Variants in PLK4 observed in about 807,000 individuals in gnomAD.
PLK4 encodes the protein polo like kinase 4.
Under a neutral mutation model 103.0 loss-of-function variants are expected in PLK4, and 51 were observed. The observed-to-expected ratio is 0.50, with a 90% CI of 0.40 to 0.63. PLK4 has a LOEUF of 0.63. Among genes scored for constraint, PLK4 ranks in the 20% least tolerant of loss-of-function variants. The probability of loss-of-function intolerance (pLI) is 0.00; values close to 1 mark genes in which losing one functional copy is unlikely to be tolerated. For missense variants in PLK4, 1,054 were observed against 1,151.0 expected, an observed-to-expected ratio of 0.92 and a Z score of 1.22; for synonymous variants, 389 against 376.8, an observed-to-expected ratio of 1.03 and a Z score of -0.38.
Position 127,891,110 on chromosome 4 carries a change from G to C in PLK4, c.1849G>C (p.Glu617Gln). ...KKAVVSILDS[E>Q]EVCVELVKEY... ...TTTTTAGGTGAGCATACTTGATTCA[G>C]AGGAGGTGTGTGTGGAGCTTGTAAA... The change falls in exon 8 of 16, where the codon GAG (glutamate) becomes CAG (glutamine). Residue 617 changes from glutamate (E) to glutamine (Q), a missense_variant. Coordinates refer to ENST00000270861, the MANE Select transcript of PLK4 (RefSeq NM_014264.5). The C allele has an allele frequency of 6.4e-7, 1 of 1,574,052 alleles. No individual in the cohort carries two copies. The highest frequency in any genetic ancestry group is 8.7e-7 in the Non-Finnish European group (1 of 1,153,312).
intron 4 of PLK4, among the ~76,000 whole-genome samples, chr4:127,884,296 A>G (rs907922052): frequency 1.3e-5 from 2 of 152,232 alleles, no homozygotes; most frequent in African/African-American, 4.8e-5. Context: ...AGCTAACAGA[A>G]GTAGTTGCTG....
intron 6 of PLK4, among the ~76,000 whole-genome samples, chr4:127,888,210 A>AAAG (rs1735217166): frequency 6.9e-6 from 1 of 145,182 alleles, no homozygotes; most frequent in Non-Finnish European, 1.5e-5. Flanking sequence ...AAAAAAAAAA[A>AAAG]AAGCATTTTC....
At chr4:127,895,358 C>A (rs907341990) in intron 14 of PLK4, among the ~76,000 whole-genome samples, 1 of 147,138 alleles carries the variant, frequency 6.8e-6, no homozygotes, top group African/African-American at 2.5e-5. Context: ...AAGTAGAGGT[C>A]ATGATAATTA....
At position 127,887,443 on chromosome 4, in the gene PLK4, C is replaced by T. The variant is rs1019018535; in HGVS notation, c.1406C>T (p.Pro469Leu). The T allele has an allele frequency of 6.2e-6, 10 of 1,611,584 alleles. No individual in the cohort carries two copies. In the Middle Eastern group the frequency reaches 5.0e-4, roughly 80 times the overall value. ...AAAACTCCTTTTCCATTTGCAGACC[C>T]GACACCTCAGACTGAAACCGTACAA... ...PGKTPFPFAD[P>L]TPQTETVQQW... The change falls in exon 6 of 16, where the codon CCG becomes CTG. Residue 469 changes from proline (P) to leucine (L), a missense_variant. By Grantham distance (98) the Pro-to-Leu change is moderately conservative (BLOSUM62 -3). This residue lies in a region of PLK4 where 680 missense variants were observed against 660.3 expected (regional missense o/e 1.03). Coordinates refer to ENST00000270861, the MANE Select transcript of PLK4 (RefSeq NM_014264.5).
intron 9 of PLK4, 116 bp downstream of exon 9, chr4:127,891,797 T>C (rs1027882919): frequency 2.5e-6 from 1 of 397,578 alleles, no homozygotes; most frequent in African/African-American, 2.1e-5. Context: ...TTAGGTCATA[T>C]CATATTCTTG....
Position 127,896,839 on chromosome 4 carries a change from G to T in PLK4, c.2742G>T (p.Gly914=). ...CTGTGTGGGTTCAGTTTAATGATGGGTCCCAGTTGGTTGTGCAGGCAGGAG... is the reference window on the plus strand; with the variant it reads ...CTGTGTGGGTTCAGTTTAATGATGGTTCCCAGTTGGTTGTGCAGGCAGGAG... ...SGAVWVQFND[G]SQLVVQAGVS... Residue 914 remains glycine, a synonymous_variant, in exon 15 of 16, where the codon GGG becomes GGT. Transcript: ENST00000270861. The T allele has an allele frequency of 6.2e-7, 1 of 1,612,332 alleles. No homozygotes were observed. Among genetic ancestry groups the T allele is most frequent in the East Asian group, 2.2e-5 (1 of 44,818 alleles).
chr4:127,895,148 A>G, intron 14 of PLK4, 55 bp downstream of exon 14: 2 of 1,253,036 alleles, frequency 1.6e-6, no homozygotes, highest in Non-Finnish European at 1.1e-6. Flanking sequence ...TTTCATTTTC[A>G]CACTGATAAG....
In PLK4 at chr4:127,898,726, T is replaced by C. The variant is rs1258430908; in HGVS notation, c.*185T>C. 4 of 488,404 alleles carry C rather than the reference T, an allele frequency of 8.2e-6. No homozygotes were observed. Among genetic ancestry groups the C allele is most frequent in the Non-Finnish European group, 1.4e-5 (4 of 279,086 alleles). 30.3% of individuals were successfully genotyped at this position (488,404 alleles called of 1,614,324 possible). ...AATGAAACTTGAGTCACTTACTAAA[T>C]ATAGTGGATATAAAATAGAACACCT... On this transcript the variant is annotated 3_prime_UTR_variant, in exon 16 of 16. Coordinates refer to ENST00000270861, the MANE Select transcript of PLK4 (RefSeq NM_014264.5).
At chr4:127,881,506 G>A in intron 1 of PLK4, 1 of 893,826 alleles carries the variant, frequency 1.1e-6, no homozygotes, top group South Asian at 1.9e-5. Flanking sequence ...TCCGGCGGGA[G>A]CTGCGGCGGG....
chr4:127,886,407 A>G lies in PLK4; in HGVS notation c.1037A>G (p.Gln346Arg). 1 of 1,614,000 alleles carries G rather than the reference A, an allele frequency of 6.2e-7. No homozygotes were observed. Among genetic ancestry groups the G allele is most frequent in the East Asian group, 2.2e-5 (1 of 44,878 alleles). The stretch of plus-strand genomic sequence containing the variant: ...GGAGATGGAAACAGTTTTTATACTC[A>G]GTGGGGAAATCAAGAAACCAGTAAT... ...SSGDGNSFYT[Q>R]WGNQETSNSG... Residue 346 changes from glutamine (Q) to arginine (R), a missense_variant, in exon 5 of 16, where the codon CAG (glutamine) becomes CGG (arginine). By Grantham distance (43) the Gln-to-Arg change is conservative. Coordinates refer to ENST00000270861, the MANE Select transcript of PLK4 (RefSeq NM_014264.5).
chr4:127,881,392 A>G (rs1480145754), intron 1 of PLK4: 172 of 1,423,848 alleles, frequency 1.2e-4, no homozygotes, highest in Non-Finnish European at 1.5e-4. Context: ...CCCGCCCGGC[A>G]GTGTCCCGAG....
chr4:127,897,856 T>TTTTTTTTTTC lies in PLK4; in HGVS notation c.2811-581_2811-580insTTTTTTTCTT, dbSNP rs1299300159. The stretch of plus-strand genomic sequence containing the variant: ...TTTTTTTTTTTTTTTTTTTTTTTTT[T>TTTTTTTTTTC]TTGAGACAGAGTCTCGCTCTGTTGC... On this transcript the variant is annotated intron_variant, in intron 15 of 15. Coordinates refer to ENST00000270861, the MANE Select transcript of PLK4 (RefSeq NM_014264.5). 3.7e-5 allele frequency among the ~76,000 whole-genome samples: 5 copies of TTTTTTTTTTC among 134,816 alleles called. 1 individual carries two copies. The highest frequency in any genetic ancestry group is 2.1e-4 in the East Asian group (1 of 4,700). The allele number at this position is 134,816 out of a possible 152,430, so 88.4% of individuals were successfully genotyped here. A position where few individuals can be genotyped will look rare whatever the true frequency, so the allele number is the denominator to read the frequency against.
chr4:127,886,775 A>G (rs1489953197), intron 5 of PLK4, 47 bp downstream of exon 5: 3 of 1,182,742 alleles, frequency 2.5e-6, no homozygotes, highest in African/African-American at 1.5e-5. Flanking sequence ...GTAACATTAT[A>G]CTAGTATAAA....
rs541037349 is a variant in PLK4 at position 127,886,043 on chromosome 4, T to C, written c.673T>C (p.Leu225=). 4 of 1,614,046 alleles carry C rather than the reference T, an allele frequency of 2.5e-6. No individual in the cohort carries two copies. Among genetic ancestry groups the C allele is most frequent in the East Asian group, 4.5e-5 (2 of 44,890 alleles). The change falls in exon 5 of 16, where the codon TTG becomes CTG. Residue 225 remains leucine, a synonymous_variant. Transcript: ENST00000270861. Reference sequence around the variant, plus strand: ...CAAGAACACATTAAATAAAGTAGTATTGGCAGATTATGAAATGCCATCTTT... The same window carrying C: ...CAAGAACACATTAAATAAAGTAGTACTGGCAGATTATGAAATGCCATCTTT... The part of the protein sequence containing the change: ...TVKNTLNKVV[L]ADYEMPSFLS...
Position 127,886,198 on chromosome 4 carries a change from A to G in PLK4, c.828A>G (p.Leu276=). The change falls in exon 5 of 16, where the codon TTA becomes TTG. Residue 276 remains leucine, a synonymous_variant. Transcript: ENST00000270861. ...ATTCTTCAACAAAAAGTAAAGATTTAGGAACTGTGGAAGACTCAATTGATA... is the reference window on the plus strand; with the variant it reads ...ATTCTTCAACAAAAAGTAAAGATTTGGGAACTGTGGAAGACTCAATTGATA... ...SRNSSTKSKD[L]GTVEDSIDSG... 1 of 1,614,132 alleles carries G rather than the reference A, an allele frequency of 6.2e-7. No homozygotes were observed. The highest frequency in any genetic ancestry group is 1.1e-5 in the South Asian group (1 of 91,060).
Position 127,898,652 on chromosome 4 carries a change from A to G in PLK4, c.*111A>G, listed in dbSNP as rs1478169720. On this transcript the variant is annotated 3_prime_UTR_variant, in exon 16 of 16. Transcript: ENST00000270861. ...AGTCTTCAGAAAGCCTTTCTATGAA[A>G]GAATTTTAACCTATAATGTAAAGGA... The G allele has an allele frequency of 6.4e-6, 4 of 621,094 alleles. No homozygotes were observed. In the African/African-American group the frequency reaches 7.5e-5, roughly 12 times the overall value. 38.5% of individuals were successfully genotyped at this position (621,094 alleles called of 1,614,324 possible).
At chr4:127,888,156 G>A (rs1428705768) in intron 6 of PLK4, among the ~76,000 whole-genome samples, 1 of 103,356 alleles carries the variant, frequency 9.7e-6, no homozygotes, top group Non-Finnish European at 1.8e-5. Context: ...CTCCAGTCTA[G>A]GTGATAGAGC....
In PLK4 at chr4:127,881,078, T is replaced by C; in HGVS notation, c.-57T>C. 6.2e-7 allele frequency: 1 copy of C among 1,605,034 alleles called. No individual in the cohort carries two copies. The highest frequency in any genetic ancestry group is 8.5e-7 in the Non-Finnish European group (1 of 1,172,370). ...CCGGCTGGCTGCTTGGAGCGCTGCC[T>C]CGAAGGGACTGCGTGAAGGAAGCTA... On this transcript the variant is annotated 5_prime_UTR_variant, in exon 1 of 16. Coordinates refer to ENST00000270861, the MANE Select transcript of PLK4 (RefSeq NM_014264.5).
intron 14 of PLK4, among the ~76,000 whole-genome samples, chr4:127,895,452 C>CTT (rs70966059): frequency 0.014 from 882 of 65,194 alleles, 154 homozygotes; most frequent in Non-Finnish European, 0.016. Flanking sequence ...GAGTAACTTT[C>CTT]TTTTTTTTTT....
Sources: gnomAD v4.1 joint callset for allele counts (sites outside exome capture counted in the v4.1 genomes callset) on GRCh38, gnomAD v4.1.1 for gene constraint, gnomAD v4.1.1 regional missense constraint, MANE v1.5 for transcripts, NCBI Gene and HGNC (gene_info 2026-07-23, HGNC 2026-07-21) for gene names.